The following GRIN2A variants were observed in gnomAD, a reference collection of about 807,000 sequenced individuals.
The protein encoded by GRIN2A is glutamate ionotropic receptor NMDA type subunit 2A, also known as glutamate receptor ionotropic, NMDA 2A.
Under a neutral mutation model 113.4 loss-of-function variants are expected in GRIN2A, and 22 were observed. The observed-to-expected ratio is 0.19, with a 90% confidence interval of 0.14 to 0.28. The LOEUF (loss-of-function observed/expected upper bound fraction) is 0.28, where lower values mean the gene tolerates loss of function less well. Among genes scored for constraint, GRIN2A ranks in the 10% least tolerant of loss-of-function variants. The probability of loss-of-function intolerance (pLI) is 1.00; values close to 1 mark genes in which losing one functional copy is unlikely to be tolerated. For missense variants in GRIN2A, 1,502 were observed against 1,887.0 expected, an observed-to-expected ratio of 0.80 and a Z score of 3.78; for synonymous variants, 827 against 738.4, an observed-to-expected ratio of 1.12 and a Z score of -1.94.
intron 2 of GRIN2A, among the ~76,000 whole-genome samples, chr16:9,984,914 T>G (rs1225720222): frequency 6.6e-6 from 1 of 152,164 alleles, no homozygotes; most frequent in Non-Finnish European, 1.5e-5. Flanking sequence ...GCTGCTATCT[T>G]CCAGATTTCC....
chr16:9,850,321 T>C (rs765593551), intron 4 of GRIN2A, among the ~76,000 whole-genome samples: 1 of 152,198 alleles, frequency 6.6e-6, no homozygotes, highest in Non-Finnish European at 1.5e-5. Context: ...CTGGGTTTGA[T>C]TCTCCCACTG....
At chr16:10,070,256 C>A (rs987014349) in intron 2 of GRIN2A, among the ~76,000 whole-genome samples, 24 of 152,262 alleles carry the variant, frequency 1.6e-4, no homozygotes, top group African/African-American at 5.5e-4. Context: ...CCATTTAGGC[C>A]TCCTGACTTT....
chr16:10,138,533 A>AG (rs908060978), intron 2 of GRIN2A, among the ~76,000 whole-genome samples: 1 of 152,120 alleles, frequency 6.6e-6, no homozygotes. Flanking sequence ...GAGAACAGCA[A>AG]GGGGAAAATC....
chr16:10,013,808 T>C (rs569352456), intron 2 of GRIN2A, among the ~76,000 whole-genome samples: 47 of 152,262 alleles, frequency 3.1e-4, no homozygotes, highest in South Asian at 6.2e-4. Context: ...AAGAGAAAAA[T>C]TGCTTAAAGT....
chr16:10,104,225 T>TC (rs2142119278), intron 2 of GRIN2A, among the ~76,000 whole-genome samples: 1 of 152,344 alleles, frequency 6.6e-6, no homozygotes, highest in African/African-American at 2.4e-5. Context: ...TGTTCATTCA[T>TC]CTGTTATTGA....
intron 2 of GRIN2A, among the ~76,000 whole-genome samples, chr16:10,142,711 C>G (rs944637139): frequency 6.6e-6 from 1 of 152,078 alleles, no homozygotes; most frequent in Non-Finnish European, 1.5e-5. Flanking sequence ...AAAACACAAA[C>G]AAATTTAAAC....
intron 2 of GRIN2A, 73 bp downstream of exon 2, chr16:10,179,925 C>A (rs776071016): frequency 7.8e-7 from 1 of 1,289,248 alleles, no homozygotes; most frequent in African/African-American, 1.5e-5. Context: ...TAGGGGCGTC[C>A]GAAGACCTGC....
At chr16:9,984,739 T>C (rs2045950054) in intron 2 of GRIN2A, among the ~76,000 whole-genome samples, 1 of 152,212 alleles carries the variant, frequency 6.6e-6, no homozygotes, top group South Asian at 2.1e-4. Flanking sequence ...TAACACCACA[T>C]GGGATTTATA....
At position 9,759,683 on chromosome 16, in the gene GRIN2A, G is replaced by A. The variant is rs1294424710; in HGVS notation, c.*3466C>T. On this transcript the variant is annotated 3_prime_UTR_variant, in exon 13 of 13. Coordinates refer to ENST00000330684, the MANE Select transcript of GRIN2A (RefSeq NM_001134407.3). ...AGTAATCCGTGGATGCCCAGTCATG[G>A]TGCTGGCTAAAATAACGCAGAGAGA... The A allele has an allele frequency of 4.4e-6, 1 of 229,762 alleles. No homozygotes were observed. Among genetic ancestry groups the A allele is most frequent in the Non-Finnish European group, 8.6e-6 (1 of 115,988 alleles). 14.2% of individuals were successfully genotyped at this position (229,762 alleles called of 1,614,324 possible).
At chr16:10,103,117 C>T (rs527741117) in intron 2 of GRIN2A, among the ~76,000 whole-genome samples, 5 of 152,230 alleles carry the variant, frequency 3.3e-5, no homozygotes, top group East Asian at 1.9e-4. Flanking sequence ...GAGACCCACT[C>T]GCAACTATGA....
intron 4 of GRIN2A, 45 bp downstream of exon 4, chr16:9,890,941 T>C (rs986877413): frequency 2.5e-6 from 3 of 1,216,290 alleles, no homozygotes; most frequent in South Asian, 1.2e-5. Context: ...TTATTGCCCA[T>C]GCTTTCTTCC....
At chr16:9,867,111 C>T (rs1473047105) in intron 4 of GRIN2A, among the ~76,000 whole-genome samples, 1 of 152,104 alleles carries the variant, frequency 6.6e-6, no homozygotes, top group Non-Finnish European at 1.5e-5. Context: ...AATTTTCCTG[C>T]CCCCACTTTG....
chr16:9,778,670 G>T (rs1185737620), intron 11 of GRIN2A, among the ~76,000 whole-genome samples: 2 of 152,318 alleles, frequency 1.3e-5, no homozygotes, highest in Admixed American at 1.3e-4. Context: ...GTGTTTACAC[G>T]TGCCTTTCAC....
chr16:9,907,410 G>A (rs1412498494), intron 3 of GRIN2A, among the ~76,000 whole-genome samples: 3 of 152,092 alleles, frequency 2.0e-5, no homozygotes, highest in South Asian at 2.1e-4. Flanking sequence ...GACATTCTCC[G>A]AAACCCAAAA....
chr16:10,169,492 G>A (rs1414749166), intron 2 of GRIN2A, among the ~76,000 whole-genome samples: 1 of 152,168 alleles, frequency 6.6e-6, no homozygotes, highest in African/African-American at 2.4e-5. Context: ...CTACTCCAAT[G>A]AAAGGATAGA....
chr16:10,039,151 A>G (rs546058345), intron 2 of GRIN2A, among the ~76,000 whole-genome samples: 2 of 151,718 alleles, frequency 1.3e-5, no homozygotes, highest in South Asian at 4.2e-4. Flanking sequence ...GTCCCCACTG[A>G]TGTCTGTTGA....
At chr16:9,913,959 T>C (rs1226701930) in intron 3 of GRIN2A, among the ~76,000 whole-genome samples, 1 of 152,060 alleles carries the variant, frequency 6.6e-6, no homozygotes. Flanking sequence ...TGTTGCTGAT[T>C]TTCAAAAGAA....
intron 4 of GRIN2A, among the ~76,000 whole-genome samples, chr16:9,872,170 T>C (rs2043275391): frequency 6.6e-6 from 1 of 152,174 alleles, no homozygotes; most frequent in South Asian, 2.1e-4. Flanking sequence ...ATTAGCTCCA[T>C]TTTGCTGTTG....
chr16:10,021,646 T>C (rs1160214395), intron 2 of GRIN2A, among the ~76,000 whole-genome samples: 1 of 151,840 alleles, frequency 6.6e-6, no homozygotes, highest in African/African-American at 2.4e-5. Flanking sequence ...TGATGAGAAA[T>C]AGCCAGCCAA....
Sources: gnomAD v4.1 joint callset for allele counts (sites outside exome capture counted in the v4.1 genomes callset) on GRCh38, gnomAD v4.1.1 for gene constraint, MANE v1.5 for transcripts, NCBI Gene and HGNC (gene_info 2026-07-23, HGNC 2026-07-21) for gene names.